Variants in ITGB2 observed in about 807,000 individuals in gnomAD.
ITGB2 encodes integrin subunit beta 2.
Under a neutral mutation model 86.8 loss-of-function variants are expected in ITGB2, and 56 were observed. That is an observed-to-expected ratio of 0.65 (90% CI 0.52 to 0.81). The LOEUF (loss-of-function observed/expected upper bound fraction) is 0.81, where lower values mean the gene tolerates loss of function less well. Ranked by LOEUF, ITGB2 falls within the 30% of genes least tolerant of loss-of-function variation. ITGB2 has a pLI of 0.00. For missense variants in ITGB2, 948 were observed against 1,061.2 expected (o/e 0.89, Z 1.48); for synonymous variants, 457 against 450.4 (o/e 1.01, Z -0.19).
intron 14 of ITGB2, 21 bp downstream of exon 14, chr21:44,888,672 G>C: frequency 6.2e-7 from 1 of 1,603,672 alleles, no homozygotes; most frequent in South Asian, 1.1e-5. Context: ...GCCGGTCCCC[G>C]CTGCACCCCA....
intron 9 of ITGB2, 53 bp from the exon 10 acceptor site, chr21:44,893,597 C>T: frequency 6.2e-7 from 1 of 1,608,380 alleles, no homozygotes; most frequent in Non-Finnish European, 8.5e-7. Flanking sequence ...TTGTCCTGGC[C>T]CTGCCTGGCC....
rs574757270 is a variant in ITGB2, at chr21:44,901,695, C to T, written c.538G>A (p.Val180Met). 4.3e-6 allele frequency: 7 copies of T among 1,613,170 alleles called. No homozygotes were observed. Among genetic ancestry groups the T allele is most frequent in the South Asian group, 1.1e-5 (1 of 91,084 alleles). Reference protein sequence around the residue: ...SFVDKTVLPFVNTHPDKLRNP... With the variant: ...SFVDKTVLPFMNTHPDKLRNP... Reference sequence around the variant, plus strand: ...CGCAGCTTATCAGGGTGCGTGTTCACGAACGGCAGCACGGTCTTGTCCACG... The same window carrying T: ...CGCAGCTTATCAGGGTGCGTGTTCATGAACGGCAGCACGGTCTTGTCCACG... Residue 180 changes from valine (V) to methionine (M), a missense_variant, in exon 6 of 16, where the codon GTG becomes ATG. Physicochemically the swap from Val to Met is conservative, Grantham distance 21 (BLOSUM62 1). Coordinates refer to ENST00000652462, the MANE Select transcript of ITGB2 (RefSeq NM_000211.5).
chr21:44,900,374 G>A lies in ITGB2; in HGVS notation c.843C>T (p.Pro281=), dbSNP rs1314425194. ...GDGKLGAILT[P]NDGRCHLEDN... is the part of the protein sequence containing the mutation. ...CCTCCAGGTGACAGCGGCCGTCGTT[G>A]GGGGTCAGGATGGCGCCCAGCTTCC... The change falls in exon 7 of 16, where the codon CCC becomes CCT. Residue 281 remains proline, a synonymous_variant. Transcript: ENST00000652462. 2 of 1,614,188 alleles carry A rather than the reference G, an allele frequency of 1.2e-6. No homozygotes were observed. Among genetic ancestry groups the A allele is most frequent in the Non-Finnish European group, 1.7e-6 (2 of 1,180,020 alleles).
rs368382535 is a variant in ITGB2, at chr21:44,896,325, C to T, written c.994-1265G>A. Among the ~76,000 whole-genome samples the T allele has an allele frequency of 7.9e-5, 12 of 152,378 alleles. No individual in the cohort carries two copies. In the East Asian group the frequency reaches 2.3e-3, roughly 29 times the overall value. ...AGTAAAATCACCAGGAAGCCATCGG[C>T]TCTTGGCACTCTACTGAGTTTCCAT... On this transcript the variant is annotated intron_variant, in intron 8 of 15. Coordinates refer to ENST00000652462, the MANE Select transcript of ITGB2 (RefSeq NM_000211.5).
In ITGB2 at chr21:44,886,818, A is replaced by C. The variant is rs765927176; in HGVS notation, c.2165T>G (p.Ile722Ser). Residue 722 changes from isoleucine to serine, a missense_variant, in exon 15 of 16, where the codon ATC (isoleucine) becomes AGC (serine). Transcript: ENST00000652462. The stretch of plus-strand genomic sequence containing the variant: ...GCTCAGGTGGATCAGAGCCTTCCAG[A>C]TGACCAGCAGGAGAATGCCGATCAG... ...IVLIGILLLV[I>S]WKALIHLSDL... 1 of 1,613,878 alleles carries C rather than the reference A, an allele frequency of 6.2e-7. No homozygotes were observed. Among genetic ancestry groups the C allele is most frequent in the Non-Finnish European group, 8.5e-7 (1 of 1,179,998 alleles).
At chr21:44,887,999 C>T (rs1601279421) in intron 14 of ITGB2, among the ~76,000 whole-genome samples, 2 of 152,272 alleles carry the variant, frequency 1.3e-5, no homozygotes, top group African/African-American at 2.4e-5. Flanking sequence ...TCTCAGGAGC[C>T]TGTGGAACAT....
Position 44,891,868 on chromosome 21 carries a change from G to T in ITGB2, c.1353C>A (p.Asp451Glu), listed in dbSNP as rs1240265322. ...GGCAGAGGCTGCGGTCTCTGCTCTG[G>T]TCCCGGCACCGGCACTCACACTGGG... ...VLPQCECRCR[D>E]QSRDRSLCHG... Residue 451 changes from aspartate (D) to glutamate (E), a missense_variant, in exon 11 of 16, where the codon GAC becomes GAA. Transcript: ENST00000652462. 6.2e-7 allele frequency: 1 copy of T among 1,612,128 alleles called. No individual in the cohort carries two copies. Among genetic ancestry groups the T allele is most frequent in the East Asian group, 2.2e-5 (1 of 44,880 alleles).
Position 44,914,403 on chromosome 21 carries a change from G to C in ITGB2, c.-3-3618C>G, listed in dbSNP as rs35735704. On this transcript the variant is annotated intron_variant, in intron 1 of 15. Transcript: ENST00000652462. ...AGGGGGCTGAGGGGGCAGGACCAGG[G>C]GGACGAGGTCATCCTTCCCCGGAGA... is the stretch of plus-strand genomic sequence containing the variant. 6 of 152,446 alleles carry C rather than the reference G, an allele frequency of 3.9e-5. No homozygotes were observed. In the East Asian group the frequency reaches 1.2e-3, roughly 29 times the overall value. The allele number at this position is 152,446 out of a possible 1,614,324, so 9.4% of individuals were successfully genotyped here.
chr21:44,901,926 TG>T, intron 5 of ITGB2, 193 bp from the exon 6 acceptor site: 1 of 630,248 alleles, frequency 1.6e-6, no homozygotes, highest in Non-Finnish European at 2.7e-6. Context: ...TGTGGGCGTG[TG>T]TGTGAACCTG....
At chr21:44,913,170 C>A (rs1330364447) in intron 1 of ITGB2, among the ~76,000 whole-genome samples, 1 of 152,044 alleles carries the variant, frequency 6.6e-6, no homozygotes, top group Non-Finnish European at 1.5e-5. Context: ...AGGACTCCCC[C>A]AGGTCGCAGC....
chr21:44,888,628 G>A lies in ITGB2; in HGVS notation c.2080+65C>T, dbSNP rs536911747. On this transcript the variant is annotated intron_variant, in intron 14 of 15. Coordinates refer to ENST00000652462, the MANE Select transcript of ITGB2 (RefSeq NM_000211.5). ...GAGATCCTCCTTCCGCACCACCCTC[G>A]CCTCTGCGGAGACCCCGCAGCCGGA... The A allele has an allele frequency of 4.0e-5, 61 of 1,543,678 alleles. No individual in the cohort carries two copies. The South Asian group carries it at 5.2e-4, about 13-fold the overall frequency.
Position 44,901,722 on chromosome 21 carries a change from A to G in ITGB2, c.511T>C (p.Phe171Leu). 1 of 1,610,756 alleles carries G rather than the reference A, an allele frequency of 6.2e-7. No homozygotes were observed. Among genetic ancestry groups the G allele is most frequent in the African/African-American group, 1.3e-5 (1 of 74,984 alleles). ...AACGGCAGCACGGTCTTGTCCACGAAGGACCCGAAGCCTGCAGGGCACATG... is the reference window on the plus strand; with the variant it reads ...AACGGCAGCACGGTCTTGTCCACGAGGGACCCGAAGCCTGCAGGGCACATG... Reference protein sequence around the residue: ...TESGRIGFGSFVDKTVLPFVN... With the variant: ...TESGRIGFGSLVDKTVLPFVN... Residue 171 changes from phenylalanine (F) to leucine (L), a missense_variant, in exon 6 of 16, where the codon TTC becomes CTC. Phe to Leu is a conservative substitution (Grantham distance 22). Transcript: ENST00000652462.
chr21:44,902,172 C>T (rs558358679), intron 5 of ITGB2, among the ~76,000 whole-genome samples: 2 of 152,320 alleles, frequency 1.3e-5, no homozygotes, highest in African/African-American at 4.8e-5. Flanking sequence ...ACGTAGGTGA[C>T]CAGGTACATA....
intron 1 of ITGB2, among the ~76,000 whole-genome samples, chr21:44,915,018 G>A (rs189601330): frequency 6.0e-4 from 92 of 152,254 alleles, no homozygotes; most frequent in African/African-American, 1.8e-3. Flanking sequence ...GGAATCCAGC[G>A]GGGTCAGGCT....
upstream of ITGB2, among the ~76,000 whole-genome samples, chr21:44,925,431 G>GGAAC: frequency 9.7e-6 from 1 of 103,472 alleles, no homozygotes; most frequent in Non-Finnish European, 2.0e-5. Context: ...AGGGAAGGAA[G>GGAAC]GAAGGAAGGA....
intron 3 of ITGB2, among the ~76,000 whole-genome samples, chr21:44,907,338 C>T (rs931960121): frequency 5.3e-5 from 8 of 152,180 alleles, no homozygotes; most frequent in Admixed American, 1.3e-4. Flanking sequence ...CTGCCTCTAG[C>T]GGCAGAAAGG....
At chr21:44,890,305 G>A in intron 11 of ITGB2, 83 bp from the exon 12 acceptor site, 1 of 1,569,574 alleles carries the variant, frequency 6.4e-7, no homozygotes, top group African/African-American at 1.3e-5. Context: ...CAGGCCCCTT[G>A]CCCTTGGTGG....
intron 1 of ITGB2, among the ~76,000 whole-genome samples, chr21:44,916,209 C>T (rs1479981981): frequency 1.3e-5 from 2 of 152,184 alleles, no homozygotes; most frequent in Non-Finnish European, 2.9e-5. Flanking sequence ...GCGTGAGCCA[C>T]TGCGCCCGGC....
chr21:44,910,257 G>A (rs779222300), intron 3 of ITGB2, 27 bp downstream of exon 3: 1 of 1,611,104 alleles, frequency 6.2e-7, no homozygotes, highest in Non-Finnish European at 8.5e-7. Context: ...AGCTGGGCAG[G>A]TGGGGAGGGG....
Sources: gnomAD v4.1 joint callset for allele counts (sites outside exome capture counted in the v4.1 genomes callset) on GRCh38, gnomAD v4.1.1 for gene constraint, MANE v1.5 for transcripts, NCBI Gene and HGNC (gene_info 2026-07-23, HGNC 2026-07-21) for gene names.